Variants in LRRTM4 observed in about 807,000 individuals in gnomAD.
LRRTM4 encodes leucine-rich repeat transmembrane neuronal protein 4.
In LRRTM4, 25 loss-of-function variants were observed where a neutral mutation model predicts 47.6. The ratio of observed to expected loss-of-function variants is 0.53; its 90% CI spans 0.38 to 0.73. The LOEUF (loss-of-function observed/expected upper bound fraction) is 0.73. Ranked by LOEUF, LRRTM4 falls within the 30% of genes least tolerant of loss-of-function variation. LRRTM4 has a pLI of 0.00. For missense variants in LRRTM4, 638 were observed against 713.4 expected (o/e 0.89, Z 1.20); for synonymous variants, 311 against 269.5 (o/e 1.15, Z -1.51).
chr2:77,505,716 G>T (rs1678741316), intron 3 of LRRTM4, among the ~76,000 whole-genome samples: 2 of 151,604 alleles, frequency 1.3e-5, no homozygotes, highest in South Asian at 4.2e-4. Flanking sequence ...AAATATTGAT[G>T]CCTATAAATA....
chr2:76,930,342 A>G (rs1160501548), intron 3 of LRRTM4, among the ~76,000 whole-genome samples: 1 of 152,188 alleles, frequency 6.6e-6, no homozygotes, highest in Non-Finnish European at 1.5e-5. Flanking sequence ...ATGCGTGCAC[A>G]CACACACACG....
chr2:77,306,911 T>TA (rs1324086824), intron 3 of LRRTM4, among the ~76,000 whole-genome samples: 1 of 139,990 alleles, frequency 7.1e-6, no homozygotes, highest in Non-Finnish European at 1.5e-5. Context: ...TTTTTTTTTT[T>TA]TTTTTTGAGA....
rs543315259 is a variant in LRRTM4 at position 76,793,889 on chromosome 2, T to C, written c.1552-44973A>G. On this transcript the variant is annotated intron_variant, in intron 3 of 3. Coordinates refer to ENST00000409884, the MANE Select transcript of LRRTM4 (RefSeq NM_001134745.3). ...AATACAATTCGTATGATCTAGGGAA[T>C]ACAGTATTAGTGGGACAGTAATTGC... 2.6e-5 allele frequency among the ~76,000 whole-genome samples: 4 copies of C among 152,296 alleles called. No homozygotes were observed. The East Asian group carries it at 5.8e-4, about 22-fold the overall frequency.
intron 3 of LRRTM4, among the ~76,000 whole-genome samples, chr2:77,145,798 A>T (rs1573007604): frequency 6.6e-6 from 1 of 151,552 alleles, no homozygotes; most frequent in Non-Finnish European, 1.5e-5. Flanking sequence ...TAAATAAATA[A>T]ATAAATAAAA....
chr2:77,277,517 T>A (rs926874004), intron 3 of LRRTM4, among the ~76,000 whole-genome samples: 2 of 152,028 alleles, frequency 1.3e-5, no homozygotes, highest in Non-Finnish European at 2.9e-5. Flanking sequence ...ATTCTTCAGA[T>A]TTTCCATTTC....
chr2:77,353,629 T>C (rs1244998342), intron 3 of LRRTM4, among the ~76,000 whole-genome samples: 2 of 152,152 alleles, frequency 1.3e-5, no homozygotes, highest in African/African-American at 2.4e-5. Context: ...CATCTACTTA[T>C]TTTATAATCC....
At chr2:77,264,341 A>G (rs1356795765) in intron 3 of LRRTM4, among the ~76,000 whole-genome samples, 4 of 152,066 alleles carry the variant, frequency 2.6e-5, no homozygotes, top group African/African-American at 9.7e-5. Context: ...AGAGAGAGAG[A>G]AAGTACAACC....
In LRRTM4 at chr2:76,815,269, T is replaced by C. The variant is rs191905845; in HGVS notation, c.1552-66353A>G. Among the ~76,000 whole-genome samples, 153 of 152,270 alleles carry C rather than the reference T, an allele frequency of 1.0e-3. 1 individual carries two copies. In the Middle Eastern group the frequency reaches 0.01, roughly 10 times the overall value. ...TAGGTAGATGTTTCTTGCTCGCCAG[T>C]GTCAGAAAACTAACCCAAAGAGGTT... On this transcript the variant is annotated intron_variant, in intron 3 of 3. Transcript: ENST00000409884.
chr2:77,502,019 AC>A (rs1678587669), intron 3 of LRRTM4, among the ~76,000 whole-genome samples: 1 of 151,474 alleles, frequency 6.6e-6, no homozygotes, highest in South Asian at 2.1e-4. Flanking sequence ...ATCAGAAATG[AC>A]ATAAGTGCAA....
intron 3 of LRRTM4, among the ~76,000 whole-genome samples, chr2:77,355,031 C>T (rs1409200998): frequency 1.3e-5 from 2 of 151,934 alleles, no homozygotes; most frequent in African/African-American, 2.4e-5. Context: ...TCTATTTTAC[C>T]GAAATGTACT....
intron 3 of LRRTM4, among the ~76,000 whole-genome samples, chr2:77,344,888 T>C (rs1179902732): frequency 2.0e-5 from 3 of 150,978 alleles, no homozygotes; most frequent in African/African-American, 7.3e-5. Flanking sequence ...TACCTGGGGG[T>C]AAATTATGTC....
chr2:77,088,470 C>A (rs899019811), intron 3 of LRRTM4, among the ~76,000 whole-genome samples: 2 of 152,070 alleles, frequency 1.3e-5, no homozygotes, highest in African/African-American at 2.4e-5. Flanking sequence ...GAGCACCTTG[C>A]GACCCCCACT....
intron 3 of LRRTM4, among the ~76,000 whole-genome samples, chr2:77,462,013 C>T (rs936002714): frequency 6.6e-6 from 1 of 152,102 alleles, no homozygotes; most frequent in Admixed American, 6.6e-5. Flanking sequence ...TGAATGCAAA[C>T]TGAGAACAAC....
At chr2:77,058,507 C>A (rs1011055435) in intron 3 of LRRTM4, among the ~76,000 whole-genome samples, 1 of 152,040 alleles carries the variant, frequency 6.6e-6, no homozygotes, top group Non-Finnish European at 1.5e-5. Flanking sequence ...TTCCTTCTTT[C>A]TTTCTTCCAC....
intron 3 of LRRTM4, among the ~76,000 whole-genome samples, chr2:77,311,913 A>G (rs1677466495): frequency 1.3e-5 from 2 of 152,180 alleles, no homozygotes; most frequent in Non-Finnish European, 2.9e-5. Context: ...CTAAATGGAT[A>G]TGAGGCAAAG....
At chr2:77,357,837 A>G (rs549651335) in intron 3 of LRRTM4, among the ~76,000 whole-genome samples, 2 of 152,194 alleles carry the variant, frequency 1.3e-5, no homozygotes, top group Non-Finnish European at 2.9e-5. Context: ...GGCTCACTAT[A>G]AAATCTTAAT....
intron 3 of LRRTM4, among the ~76,000 whole-genome samples, chr2:77,027,634 A>G (rs1032252325): frequency 2.6e-5 from 4 of 152,206 alleles, no homozygotes; most frequent in African/African-American, 9.6e-5. Context: ...TGCTTTCTGA[A>G]TCACTAAGAG....
At chr2:76,857,039 A>C (rs944636104) in intron 3 of LRRTM4, among the ~76,000 whole-genome samples, 5 of 151,932 alleles carry the variant, frequency 3.3e-5, no homozygotes, top group African/African-American at 1.2e-4. Context: ...TTTTTAAAAC[A>C]CATTCAAAAG....
intron 3 of LRRTM4, among the ~76,000 whole-genome samples, chr2:77,428,289 A>T (rs1260239404): frequency 6.6e-6 from 1 of 152,220 alleles, no homozygotes; most frequent in East Asian, 1.9e-4. Flanking sequence ...TACAGACATT[A>T]AAAATGCCCA....
Sources: allele counts gnomAD v4.1 joint callset (sites outside exome capture counted in the v4.1 genomes callset), GRCh38; gene constraint gnomAD v4.1.1; transcripts MANE v1.5; gene names NCBI Gene and HGNC (gene_info 2026-07-23, HGNC 2026-07-21).